Variants in DUOX1 observed in about 807,000 individuals in gnomAD.
DUOX1 encodes the protein dual oxidase 1.
A neutral mutation model predicts 181.8 loss-of-function variants in DUOX1; 134 were observed. That is an observed-to-expected ratio of 0.74 (90% CI 0.64 to 0.85). The LOEUF is 0.85. Among genes scored for constraint, DUOX1 ranks in the 40% least tolerant of loss-of-function variants. DUOX1 has a pLI of 0.00. For missense variants in DUOX1, 1,814 were observed against 2,064.4 expected (o/e 0.88, Z 2.35); for synonymous variants, 798 against 832.5 (o/e 0.96, Z 0.71).
At chr15:45,144,011 C>T (rs1427820235) in intron 16 of DUOX1, 25 bp from the exon 17 acceptor site, 18 of 1,612,340 alleles carry the variant, frequency 1.1e-5, no homozygotes, top group Admixed American at 1.7e-5. Flanking sequence ...TCCCAGCTGA[C>T]GAAGCCCTGT....
At chr15:45,144,804 C>T (rs1297826525) in intron 17 of DUOX1, 91 bp from the exon 18 acceptor site, 2 of 1,385,750 alleles carry the variant, frequency 1.4e-6, no homozygotes, top group Non-Finnish European at 2.0e-6. Flanking sequence ...TTCAAGGCCA[C>T]CCCAGTGGCC....
At position 45,162,383 on chromosome 15, in the gene DUOX1, T is replaced by A. The variant is rs746919258; in HGVS notation, c.4248+6T>A. On this transcript the variant is annotated splice_donor_region_variant and intron_variant, in intron 31 of 33. Transcript: ENST00000389037. ...GCCAAGTGTTCTGTAAGAAGGTGAGTACTGCCCCCACTTCCCACCAACCCA... is the reference window on the plus strand; with the variant it reads ...GCCAAGTGTTCTGTAAGAAGGTGAGAACTGCCCCCACTTCCCACCAACCCA... 46 of 1,612,104 alleles carry A rather than the reference T, an allele frequency of 2.9e-5. No homozygotes were observed. In the East Asian group the frequency reaches 1.0e-3, roughly 35 times the overall value.
intron 28 of DUOX1, among the ~76,000 whole-genome samples, chr15:45,159,436 G>A (rs1897044191): frequency 6.6e-6 from 1 of 152,206 alleles, no homozygotes; most frequent in African/African-American, 2.4e-5. Context: ...TAGTGCCTCA[G>A]GCTTCTAAGA....
rs754209295 is a variant in DUOX1, at chr15:45,139,180, G to A, written c.1216+12G>A. 1.2e-6 allele frequency: 2 copies of A among 1,614,122 alleles called. No individual in the cohort carries two copies. Among genetic ancestry groups the A allele is most frequent in the Non-Finnish European group, 1.7e-6 (2 of 1,180,018 alleles). On this transcript the variant is annotated intron_variant, in intron 11 of 33. Transcript: ENST00000389037. ...TGAAGATGTGCGGGGTGAGTCTGAG[G>A]CTGTCCCTGCAGGTTGTGAACTCCT... is the stretch of plus-strand genomic sequence containing the variant.
Position 45,141,906 on chromosome 15 carries a change from C to G in DUOX1, c.1685-69C>G. On this transcript the variant is annotated intron_variant, in intron 14 of 33. Transcript: ENST00000389037. ...CCCACCCCCTTTCTGCCACCCTAAC[C>G]TCCTCCGTGATCCTGTGCCAGCACC... 3.9e-6 allele frequency: 6 copies of G among 1,544,160 alleles called. 1 individual carries two copies. Among genetic ancestry groups the G allele is most frequent in the Non-Finnish European group, 5.2e-6 (6 of 1,144,964 alleles).
intron 28 of DUOX1, among the ~76,000 whole-genome samples, chr15:45,157,817 TAA>T (rs60248114): frequency 1.4e-5 from 2 of 141,152 alleles, no homozygotes; most frequent in African/African-American, 2.6e-5. Flanking sequence ...ACAGCCTGTT[TAA>T]AAAAAAAAAA....
intron 12 of DUOX1, 62 bp downstream of exon 12, chr15:45,139,661 A>C: frequency 6.8e-7 from 1 of 1,481,444 alleles, no homozygotes; most frequent in Non-Finnish European, 9.0e-7. Context: ...GGCCTGAGAC[A>C]TGGAAGATAG....
intron 28 of DUOX1, among the ~76,000 whole-genome samples, chr15:45,157,913 G>A (rs904541240): frequency 3.3e-5 from 5 of 152,054 alleles, no homozygotes; most frequent in African/African-American, 1.2e-4. Context: ...TCATCTCAGG[G>A]AGATCAGGGC....
At chr15:45,151,828 TG>T in intron 23 of DUOX1, 45 bp from the exon 24 acceptor site, 1 of 1,572,158 alleles carries the variant, frequency 6.4e-7, no homozygotes, top group African/African-American at 1.4e-5. Context: ...CCACTAGCGT[TG>T]GGTCCCATGG....
chr15:45,138,958 A>G (rs528860939), intron 10 of DUOX1, 108 bp from the exon 11 acceptor site: 7 of 996,750 alleles, frequency 7.0e-6, no homozygotes, highest in South Asian at 1.7e-5. Context: ...AGCAAACAGC[A>G]GGACTGGGTG....
intron 25 of DUOX1, 30 bp downstream of exon 25, chr15:45,152,546 C>T (rs1896844511): frequency 6.3e-7 from 1 of 1,586,912 alleles, no homozygotes; most frequent in Non-Finnish European, 8.6e-7. Context: ...GGGAGGCTCT[C>T]CAGGGCCTCC....
chr15:45,155,007 G>C (rs976471294), intron 27 of DUOX1, among the ~76,000 whole-genome samples: 2 of 152,248 alleles, frequency 1.3e-5, no homozygotes, highest in Non-Finnish European at 2.9e-5. Flanking sequence ...GTGTGCTGTG[G>C]CAGCCAACAA....
At chr15:45,159,978 C>A (rs1288375496) in intron 28 of DUOX1, among the ~76,000 whole-genome samples, 3 of 152,224 alleles carry the variant, frequency 2.0e-5, no homozygotes, top group East Asian at 3.9e-4. Flanking sequence ...ATGGTGAAAC[C>A]CCATCTCTAC....
Position 45,135,180 on chromosome 15 carries a change from G to GC in DUOX1, c.387dup (p.Gly130ArgfsTer165), listed in dbSNP as rs757995554. On this transcript the variant is annotated frameshift_variant, in exon 5 of 34. Transcript: ENST00000389037. LOFTEE classifies it high-confidence loss of function. The stretch of plus-strand genomic sequence containing the variant: ...CCGAGTTCCTCAACATTCGCATCCC[G>GC]CCCGGAGACCCCATGTTCGACCCCG... 1.2e-6 allele frequency: 2 copies of GC among 1,613,538 alleles called. No homozygotes were observed. The highest frequency in any genetic ancestry group is 1.7e-6 in the Non-Finnish European group (2 of 1,179,956).
In DUOX1 at chr15:45,155,787, A is replaced by G. The variant is rs2141296494; in HGVS notation, c.3575-15A>G. ...GCACTGATCTTCTGCCTTCCACCCT[A>G]TATTCATTTTGCAGGCCTCACGGGG... On this transcript the variant is annotated splice_polypyrimidine_tract_variant and intron_variant, in intron 27 of 33. Coordinates refer to ENST00000389037, the MANE Select transcript of DUOX1 (RefSeq NM_175940.3). 3 of 1,613,062 alleles carry G rather than the reference A, an allele frequency of 1.9e-6. No homozygotes were observed. Among genetic ancestry groups the G allele is most frequent in the South Asian group, 1.1e-5 (1 of 91,024 alleles).
In DUOX1 at chr15:45,161,897, C is replaced by G. The variant is rs1218681566; in HGVS notation, c.4016C>G (p.Ala1339Gly). ...ACGCTTAGCCTGCACATCCGGGCAG[C>G]AGGGCCCTGGACCACTCGCCTCAGG... ...EDTLSLHIRA[A>G]GPWTTRLREI... is the part of the protein sequence containing the mutation. The change falls in exon 30 of 34, where the codon GCA becomes GGA. Residue 1339 changes from alanine (A) to glycine (G), a missense_variant. Coordinates refer to ENST00000389037, the MANE Select transcript of DUOX1 (RefSeq NM_175940.3). 1.2e-6 allele frequency: 2 copies of G among 1,613,880 alleles called. No individual in the cohort carries two copies. Among genetic ancestry groups the G allele is most frequent in the Non-Finnish European group, 8.5e-7 (1 of 1,179,998 alleles).
intron 12 of DUOX1, 54 bp from the exon 13 acceptor site, chr15:45,140,840 GC>G: frequency 6.3e-7 from 1 of 1,581,662 alleles, no homozygotes; most frequent in South Asian, 1.1e-5. Flanking sequence ...CCACCTCTTT[GC>G]CTTAGGGTGG....
chr15:45,159,147 C>CAA (rs1399806601), intron 28 of DUOX1, among the ~76,000 whole-genome samples: 1 of 152,190 alleles, frequency 6.6e-6, no homozygotes, highest in African/African-American at 2.4e-5. Context: ...GGGCTGGCTG[C>CAA]AGATGGCCAT....
intron 9 of DUOX1, among the ~76,000 whole-genome samples, chr15:45,137,085 C>T (rs1051239719): frequency 6.6e-6 from 1 of 151,444 alleles, no homozygotes; most frequent in Non-Finnish European, 1.5e-5. Context: ...CAGTGGCTCA[C>T]GCCTGTAACC....
Sources: gnomAD v4.1 joint callset for allele counts (sites outside exome capture counted in the v4.1 genomes callset) on GRCh38, gnomAD v4.1.1 for gene constraint, MANE v1.5 for transcripts, NCBI Gene and HGNC (gene_info 2026-07-23, HGNC 2026-07-21) for gene names.